The following RUSC2 variants were observed in gnomAD, a reference collection of about 807,000 sequenced individuals.
RUSC2 encodes RUN and SH3 domain containing 2.
Under a neutral mutation model 122.2 loss-of-function variants are expected in RUSC2, and 34 were observed. The ratio of observed to expected loss-of-function variants is 0.28; its 90% confidence interval spans 0.21 to 0.37. RUSC2 has a LOEUF of 0.37. Ranked by LOEUF, RUSC2 falls within the 10% of genes least tolerant of loss-of-function variation. RUSC2 has a pLI of 1.00. For synonymous variants in RUSC2, 784 were observed against 790.0 expected (o/e 0.99, Z 0.13); for missense variants, 1,747 against 1,952.4 (o/e 0.89, Z 1.98).
chr9:35,548,614 C>T lies in RUSC2; in HGVS notation c.2014+79C>T, dbSNP rs1284053809. ...TGGCCACCTCCCTGACAGGTCCCTG[C>T]CAGACCACCCCATCCATACCACTAG... On this transcript the variant is annotated intron_variant, in intron 2 of 11. Coordinates refer to ENST00000361226, the MANE Select transcript of RUSC2 (RefSeq NM_014806.5). The surrounding 1 kb of genome is among the most constrained non-coding windows in gnomAD (Gnocchi z 4.5). 11 of 1,467,370 alleles carry T rather than the reference C, an allele frequency of 7.5e-6. No homozygotes were observed. Among genetic ancestry groups the T allele is most frequent in the Non-Finnish European group, 9.0e-6 (10 of 1,115,644 alleles). The allele number at this position is 1,467,370 out of a possible 1,614,324, so 90.9% of individuals were successfully genotyped here.
rs141790773 is a variant in RUSC2 at position 35,512,754 on chromosome 9, A to T, written c.-93+22582A>T. On this transcript the variant is annotated intron_variant, in intron 1 of 11. Coordinates refer to ENST00000361226, the MANE Select transcript of RUSC2 (RefSeq NM_014806.5). ...CTTCCTCCTCCCGTCCCTCTTTTAT[A>T]CATCAAGCAAAAGAGCACAGTTACT... Among the ~76,000 whole-genome samples the T allele has an allele frequency of 4.5e-4, 68 of 152,250 alleles. 1 individual carries two copies. The East Asian group carries it at 0.013, about 28-fold the overall frequency.
chr9:35,558,658 C>T lies in RUSC2; in HGVS notation c.3341+91C>T, dbSNP rs888927471. On this transcript the variant is annotated intron_variant, in intron 8 of 11. Coordinates refer to ENST00000361226, the MANE Select transcript of RUSC2 (RefSeq NM_014806.5). This position sits in a 1 kb window ranked among gnomAD's most constrained non-coding sequence, Gnocchi z 4.3. ...TGCACCAAGGAAACAACGCCCTGGA[C>T]AGACAGAAAGGGTGGATCTGGAGGG... 1.8e-6 allele frequency: 2 copies of T among 1,091,594 alleles called. No individual in the cohort carries two copies. The highest frequency in any genetic ancestry group is 2.8e-6 in the Non-Finnish European group (2 of 713,562). The allele number at this position is 1,091,594 out of a possible 1,614,324, so 67.6% of individuals were successfully genotyped here.
At chr9:35,492,044 AT>A (rs898711022) in intron 1 of RUSC2, among the ~76,000 whole-genome samples, 21 of 151,488 alleles carry the variant, frequency 1.4e-4, no homozygotes, top group Non-Finnish European at 2.2e-4. Context: ...AAGCAATACA[AT>A]TTTTTTTTAA....
At position 35,558,159 on chromosome 9, in the gene RUSC2, C is replaced by A. The variant is rs1350378948; in HGVS notation, c.3061-38C>A. The A allele has an allele frequency of 6.2e-7, 1 of 1,605,252 alleles. No homozygotes were observed. The highest frequency in any genetic ancestry group is 1.3e-5 in the African/African-American group (1 of 74,954). On this transcript the variant is annotated intron_variant, in intron 6 of 11. Coordinates refer to ENST00000361226, the MANE Select transcript of RUSC2 (RefSeq NM_014806.5). The surrounding 1 kb of genome is among the most constrained non-coding windows in gnomAD (Gnocchi z 4.3). ...TGCTACGAGAGGACCACAGTCAGGCCTGAGGGGGTTTCCTGCACTTCCCTA... is the reference window on the plus strand; with the variant it reads ...TGCTACGAGAGGACCACAGTCAGGCATGAGGGGGTTTCCTGCACTTCCCTA...
At chr9:35,494,388 G>A (rs184813916) in intron 1 of RUSC2, among the ~76,000 whole-genome samples, 3 of 152,154 alleles carry the variant, frequency 2.0e-5, no homozygotes, top group East Asian at 1.9e-4. Flanking sequence ...GGCTTGAACC[G>A]GGGAGGCTGA....
At chr9:35,495,982 G>C (rs915222717) in intron 1 of RUSC2, among the ~76,000 whole-genome samples, 1 of 152,056 alleles carries the variant, frequency 6.6e-6, no homozygotes, top group Non-Finnish European at 1.5e-5. Flanking sequence ...TTAGTGTTTA[G>C]GCATACAGCT....
rs1033986570 is a variant in RUSC2, at chr9:35,557,496, G to A, written c.2984-418G>A. 6.6e-6 allele frequency among the ~76,000 whole-genome samples: 1 copy of A among 152,190 alleles called. No individual in the cohort carries two copies. The highest frequency in any genetic ancestry group is 1.5e-5 in the Non-Finnish European group (1 of 68,034). On this transcript the variant is annotated intron_variant, in intron 5 of 11. Transcript: ENST00000361226. The surrounding 1 kb of genome is among the most constrained non-coding windows in gnomAD (Gnocchi z 4.6). Reference sequence around the variant, plus strand: ...GTGTCGATTTCACATGGCAACTTGAGGGTATGGCAGAGAGTGCTGACAAGC... The same window carrying A: ...GTGTCGATTTCACATGGCAACTTGAAGGTATGGCAGAGAGTGCTGACAAGC...
chr9:35,558,666 A>C lies in RUSC2; in HGVS notation c.3341+99A>C, dbSNP rs1822077231. 9 of 1,031,584 alleles carry C rather than the reference A, an allele frequency of 8.7e-6. No homozygotes were observed. Among genetic ancestry groups the C allele is most frequent in the South Asian group, 6.6e-5 (5 of 76,268 alleles). The allele number at this position is 1,031,584 out of a possible 1,614,324, so 63.9% of individuals were successfully genotyped here. On this transcript the variant is annotated intron_variant, in intron 8 of 11. Transcript: ENST00000361226. This position sits in a 1 kb window ranked among gnomAD's most constrained non-coding sequence, Gnocchi z 4.3. ...GGAAACAACGCCCTGGACAGACAGA[A>C]AGGGTGGATCTGGAGGGTCCCCTCA...
At chr9:35,542,843 T>G (rs1443951649) in intron 1 of RUSC2, among the ~76,000 whole-genome samples, 1 of 152,258 alleles carries the variant, frequency 6.6e-6, no homozygotes, top group Non-Finnish European at 1.5e-5. Context: ...ATTCTGTATC[T>G]GTACATCAGT....
chr9:35,543,042 C>G (rs1191338369), intron 1 of RUSC2, among the ~76,000 whole-genome samples: 1 of 152,192 alleles, frequency 6.6e-6, no homozygotes, highest in East Asian at 1.9e-4. Context: ...AGAAAGTTCT[C>G]TATGCTCCTT....
Position 35,555,293 on chromosome 9 carries a change from C to G in RUSC2, c.2248C>G (p.Pro750Ala). 1 of 1,613,840 alleles carries G rather than the reference C, an allele frequency of 6.2e-7. No individual in the cohort carries two copies. The highest frequency in any genetic ancestry group is 8.5e-7 in the Non-Finnish European group (1 of 1,179,994). ...CTCAGTCCCAGCTCCCTCAGGGGAACCGCAGGCATCCACTCCCCGAGCCAC... is the reference window on the plus strand; with the variant it reads ...CTCAGTCCCAGCTCCCTCAGGGGAAGCGCAGGCATCCACTCCCCGAGCCAC... ...QVSVPAPSGE[P>A]QASTPRATGR... Residue 750 changes from proline (P) to alanine (A), a missense_variant, in exon 3 of 12, where the codon CCG (proline) becomes GCG (alanine). Coordinates refer to ENST00000361226, the MANE Select transcript of RUSC2 (RefSeq NM_014806.5). The surrounding 1 kb of genome is among the most constrained non-coding windows in gnomAD (Gnocchi z 4.6).
At chr9:35,531,408 A>G (rs190281278) in intron 1 of RUSC2, among the ~76,000 whole-genome samples, 95 of 152,346 alleles carry the variant, frequency 6.2e-4, no homozygotes, top group Middle Eastern at 6.8e-3. Flanking sequence ...AACGAAGGTA[A>G]GAAAACTAGT....
chr9:35,548,315 A>G lies in RUSC2; in HGVS notation c.1794A>G (p.Pro598=), dbSNP rs770513099. The stretch of plus-strand genomic sequence containing the variant: ...GCACTTGCTGTAGCCATAGCCTGCC[A>G]CCCATGCCTTTGGGGCCAGGCATGG... ...DEGTCCSHSL[P]PMPLGPGMDL... is the part of the protein sequence containing the mutation. The change falls in exon 2 of 12, where the codon CCA becomes CCG. Residue 598 remains proline, a synonymous_variant. Coordinates refer to ENST00000361226, the MANE Select transcript of RUSC2 (RefSeq NM_014806.5). This position sits in a 1 kb window ranked among gnomAD's most constrained non-coding sequence, Gnocchi z 4.5. 6.2e-7 allele frequency: 1 copy of G among 1,613,986 alleles called. No individual in the cohort carries two copies. Among genetic ancestry groups the G allele is most frequent in the Non-Finnish European group, 8.5e-7 (1 of 1,180,030 alleles).
intron 1 of RUSC2, among the ~76,000 whole-genome samples, chr9:35,536,948 G>T (rs1437631305): frequency 1.3e-5 from 2 of 152,110 alleles, no homozygotes; most frequent in Non-Finnish European, 2.9e-5. Flanking sequence ...AAGAAAGGTG[G>T]TGCTTTAGGG....
At chr9:35,515,578 A>G (rs1455024365) in intron 1 of RUSC2, among the ~76,000 whole-genome samples, 2 of 152,216 alleles carry the variant, frequency 1.3e-5, no homozygotes, top group Non-Finnish European at 2.9e-5. Flanking sequence ...AAAAATTGCA[A>G]GCCCAACTTC....
chr9:35,539,758 A>C (rs1821606816), intron 1 of RUSC2, among the ~76,000 whole-genome samples: 1 of 152,148 alleles, frequency 6.6e-6, no homozygotes, highest in Non-Finnish European at 1.5e-5. Context: ...CTGTTACAGT[A>C]AGCCTTCAAG....
In RUSC2 at chr9:35,548,209, G is replaced by A. The variant is rs765036445; in HGVS notation, c.1688G>A (p.Arg563His). The A allele has an allele frequency of 2.8e-5, 45 of 1,613,178 alleles. No homozygotes were observed. The Admixed American group carries it at 3.7e-4, about 13-fold the overall frequency. Reference protein sequence around the residue: ...KTGGSGSPPLRVSVGDSSQEF... With the variant: ...KTGGSGSPPLHVSVGDSSQEF... Reference sequence around the variant, plus strand: ...GGAGGCTCTGGCTCGCCCCCACTTCGTGTGAGTGTTGGGGACTCCTCCCAG... The same window carrying A: ...GGAGGCTCTGGCTCGCCCCCACTTCATGTGAGTGTTGGGGACTCCTCCCAG... Residue 563 changes from arginine to histidine, a missense_variant, in exon 2 of 12, where the codon CGT (arginine) becomes CAT (histidine). Coordinates refer to ENST00000361226, the MANE Select transcript of RUSC2 (RefSeq NM_014806.5). The surrounding 1 kb of genome is among the most constrained non-coding windows in gnomAD (Gnocchi z 4.5).
intron 1 of RUSC2, chr9:35,539,224 G>A (rs1465068025): frequency 7.1e-6 from 1 of 140,394 alleles, no homozygotes; most frequent in African/African-American, 2.6e-5. Flanking sequence ...AGAGGGGGGC[G>A]GTGCGGGGGG....
intron 1 of RUSC2, among the ~76,000 whole-genome samples, chr9:35,496,904 G>T (rs1820727781): frequency 6.6e-6 from 1 of 152,174 alleles, no homozygotes; most frequent in Admixed American, 6.6e-5. Flanking sequence ...GGACGCTAAG[G>T]TTAAAATTGT....
Sources: gnomAD v4.1 joint callset for allele counts (sites outside exome capture counted in the v4.1 genomes callset) on GRCh38, gnomAD v4.1.1 for gene constraint, Gnocchi (gnomAD v3.1) non-coding constraint, MANE v1.5 for transcripts, NCBI Gene and HGNC (gene_info 2026-07-23, HGNC 2026-07-21) for gene names.